ZNF32: variants seen among roughly 807,000 people sequenced by gnomAD.
ZNF32 encodes the protein C2H2-546.
ZNF32 carries 13 observed loss-of-function variants against 24.4 expected under a neutral mutation model. The ratio of observed to expected loss-of-function variants is 0.53; its 90% CI spans 0.35 to 0.85. The LOEUF (loss-of-function observed/expected upper bound fraction) is 0.85. Among genes scored for constraint, ZNF32 ranks in the 40% least tolerant of loss-of-function variants. ZNF32 has a pLI of 0.01. For synonymous variants in ZNF32, 115 were observed against 117.4 expected (o/e 0.98, Z 0.13); for missense variants, 239 against 325.3 (o/e 0.73, Z 2.04).
At position 43,644,773 on chromosome 10, in the gene ZNF32, A is replaced by G. The variant is rs1465983046; in HGVS notation, c.99T>C (p.Tyr33=). The G allele has an allele frequency of 1.7e-5, 28 of 1,607,992 alleles. No individual in the cohort carries two copies. The highest frequency in any genetic ancestry group is 1.7e-4 in the Middle Eastern group (1 of 5,966). The change falls in exon 3 of 3, where the codon TAT becomes TAC. Residue 33 remains tyrosine (Y), a synonymous_variant. Transcript: ENST00000374433. This position sits in a 1 kb window ranked among gnomAD's most constrained non-coding sequence, Gnocchi z 5.3. ...AGGATCCTGTAGCCTCAGAGTGGTC[A>G]TATTTGTGGTGGGCTTCAGTCATCA... ...FNVMTEAHHK[Y]DHSEATGSSS...
chr10:43,644,412 GTC>G lies in ZNF32; in HGVS notation c.458_459del (p.Arg153ThrfsTer22). The G allele has an allele frequency of 6.2e-7, 1 of 1,614,082 alleles. No individual in the cohort carries two copies. The highest frequency in any genetic ancestry group is 8.5e-7 in the Non-Finnish European group (1 of 1,179,962). On this transcript the variant is annotated frameshift_variant, in exon 3 of 3. Coordinates refer to ENST00000374433, the MANE Select transcript of ZNF32 (RefSeq NM_006973.3). LOFTEE classifies it high-confidence loss of function. This position sits in a 1 kb window ranked among gnomAD's most constrained non-coding sequence, Gnocchi z 5.3. The stretch of plus-strand genomic sequence containing the variant: ...TCGTAGGGTTTCTGTCCAGTGTGGA[GTC>G]TCTCGTGGACAGCGAGACTACCTCG... ...SQRGSLAVHE[R>X]LHTGQKPYEC...
At chr10:43,648,185 A>G (rs1301143578) in intron 1 of ZNF32, among the ~76,000 whole-genome samples, 1 of 152,134 alleles carries the variant, frequency 6.6e-6, no homozygotes, top group Non-Finnish European at 1.5e-5. Context: ...AGGTAGGACA[A>G]TGAGAAGGAA....
At chr10:43,646,685 C>T (rs1208857618) in intron 1 of ZNF32, among the ~76,000 whole-genome samples, 1 of 152,198 alleles carries the variant, frequency 6.6e-6, no homozygotes, top group African/African-American at 2.4e-5. Context: ...CTGAACAATT[C>T]TTAGGAGGCT....
chr10:43,645,313 C>G (rs183534360), intron 2 of ZNF32, among the ~76,000 whole-genome samples: 23 of 152,274 alleles, frequency 1.5e-4, no homozygotes, highest in Admixed American at 4.6e-4. Context: ...GTGAGGGGTC[C>G]TAAAACTGAA....
At chr10:43,647,271 G>A (rs192957835) in intron 1 of ZNF32, 6 of 151,824 alleles carry the variant, frequency 4.0e-5, no homozygotes, top group East Asian at 1.9e-4. Context: ...TGTAGAGATC[G>A]GGTCTCATTA....
rs1361807867 is a variant in ZNF32 at position 43,644,187 on chromosome 10, T to G, written c.685A>C (p.Arg229=). ...CTQCRKSFHT[R]GNCILHGKIH... ...TTGCCATGCAGAATACAATTCCCCC[T>G]GGTGTGGAAACTCTTCCTGCACTGG... is the stretch of plus-strand genomic sequence containing the variant. Residue 229 remains arginine (R), a synonymous_variant, in exon 3 of 3, where the codon AGG becomes CGG. Transcript: ENST00000374433. The surrounding 1 kb of genome is among the most constrained non-coding windows in gnomAD (Gnocchi z 5.3). The G allele has an allele frequency of 6.2e-7, 1 of 1,614,108 alleles. No homozygotes were observed. Among genetic ancestry groups the G allele is most frequent in the Non-Finnish European group, 8.5e-7 (1 of 1,180,042 alleles).
chr10:43,643,980 G>GA lies in ZNF32; in HGVS notation c.*69dup. The GA allele has an allele frequency of 6.7e-7, 1 of 1,483,828 alleles. No individual in the cohort carries two copies. Among genetic ancestry groups the GA allele is most frequent in the Non-Finnish European group, 9.0e-7 (1 of 1,109,734 alleles). The allele number at this position is 1,483,828 out of a possible 1,614,324, so 91.9% of individuals were successfully genotyped here. A position where few individuals can be genotyped will look rare whatever the true frequency, so the allele number is the denominator to read the frequency against. ...ATTCTCCATTCATTCCATAGAACTGGATAGGTTGCTTCATCTCAGAGGATT... is the reference window on the plus strand; with the variant it reads ...ATTCTCCATTCATTCCATAGAACTGGAATAGGTTGCTTCATCTCAGAGGATT... On this transcript the variant is annotated 3_prime_UTR_variant, in exon 3 of 3. Coordinates refer to ENST00000374433, the MANE Select transcript of ZNF32 (RefSeq NM_006973.3).
chr10:43,645,999 G>A (rs372743050), intron 2 of ZNF32, 65 bp downstream of exon 2: 14 of 1,604,682 alleles, frequency 8.7e-6, no homozygotes, highest in Non-Finnish European at 1.1e-5. Context: ...GCCGACCAGT[G>A]CTGAGAACAG....
At position 43,643,956 on chromosome 10, in the gene ZNF32, T is replaced by C; in HGVS notation, c.*94A>G. The C allele has an allele frequency of 7.3e-7, 1 of 1,361,292 alleles. No individual in the cohort carries two copies. Among genetic ancestry groups the C allele is most frequent in the Non-Finnish European group, 9.8e-7 (1 of 1,020,808 alleles). The allele number at this position is 1,361,292 out of a possible 1,614,324, so 84.3% of individuals were successfully genotyped here. On this transcript the variant is annotated 3_prime_UTR_variant, in exon 3 of 3. Transcript: ENST00000374433. ...ACCCAATGATGGTCTTTCTGAAAGA[T>C]TCTCCATTCATTCCATAGAACTGGA...
intron 2 of ZNF32, chr10:43,645,823 A>T: frequency 5.7e-6 from 4 of 697,516 alleles, no homozygotes; most frequent in Non-Finnish European, 8.3e-6. Context: ...GCTGAGATTT[A>T]AGCTGCTCAT....
At chr10:43,645,210 G>C (rs765353748) in intron 2 of ZNF32, among the ~76,000 whole-genome samples, 11 of 152,176 alleles carry the variant, frequency 7.2e-5, no homozygotes, top group Non-Finnish European at 1.3e-4. Flanking sequence ...TGTGGATCCA[G>C]GCTATATAAG....
intron 1 of ZNF32, among the ~76,000 whole-genome samples, chr10:43,646,560 G>A (rs1275887141): frequency 6.6e-6 from 1 of 152,180 alleles, no homozygotes; most frequent in East Asian, 1.9e-4. Flanking sequence ...CCAAGCCCCA[G>A]AGGAATTCAG....
intron 1 of ZNF32, chr10:43,648,508 C>T (rs1839399142): frequency 6.6e-6 from 1 of 152,176 alleles, no homozygotes; most frequent in South Asian, 2.1e-4. Context: ...GCCATGGGCC[C>T]TGCTCCTCTC....
intron 2 of ZNF32, among the ~76,000 whole-genome samples, chr10:43,645,390 A>G (rs1238865766): frequency 6.6e-6 from 1 of 152,208 alleles, no homozygotes; most frequent in African/African-American, 2.4e-5. Flanking sequence ...AAGCACCATG[A>G]CCTCAGAAAA....
intron 1 of ZNF32, among the ~76,000 whole-genome samples, chr10:43,646,778 G>A (rs1456450594): frequency 2.0e-5 from 3 of 152,138 alleles, no homozygotes; most frequent in Non-Finnish European, 2.9e-5. Context: ...GTCAATTCTT[G>A]GAAAAGAAAG....
rs766395173 is a variant in ZNF32, at chr10:43,646,032, G to A, written c.70+32C>T. The A allele has an allele frequency of 3.7e-6, 6 of 1,613,354 alleles. No individual in the cohort carries two copies. The Admixed American group carries it at 6.7e-5, about 18-fold the overall frequency. On this transcript the variant is annotated intron_variant, in intron 2 of 2. Coordinates refer to ENST00000374433, the MANE Select transcript of ZNF32 (RefSeq NM_006973.3). ...CAGGGACACTGAATATCTGTGAGCTGAGCGCATCCAGCCATCAACTGACTC... is the reference window on the plus strand; with the variant it reads ...CAGGGACACTGAATATCTGTGAGCTAAGCGCATCCAGCCATCAACTGACTC...
Position 43,644,710 on chromosome 10 carries a change from C to A in ZNF32, c.162G>T (p.Lys54Asn). The A allele has an allele frequency of 6.2e-7, 1 of 1,614,132 alleles. No individual in the cohort carries two copies. The highest frequency in any genetic ancestry group is 8.5e-7 in the Non-Finnish European group (1 of 1,180,020). Residue 54 changes from lysine to asparagine, a missense_variant, in exon 3 of 3, where the codon AAG becomes AAT. Lys to Asn is a moderately conservative substitution (Grantham distance 94, BLOSUM62 0). Transcript: ENST00000374433. This position sits in a 1 kb window ranked among gnomAD's most constrained non-coding sequence, Gnocchi z 5.3. ...WDIQNSFRRE[K>N]LEQKSPDSKT... Reference sequence around the variant, plus strand: ...TCGAATCTGGGGATTTTTGTTCCAGCTTCTCTCTTCTGAAAGAATTTTGGA... The same window carrying A: ...TCGAATCTGGGGATTTTTGTTCCAGATTCTCTCTTCTGAAAGAATTTTGGA...
intron 1 of ZNF32, chr10:43,647,117 A>C (rs1378760323): frequency 6.6e-6 from 1 of 152,108 alleles, no homozygotes; most frequent in African/African-American, 2.4e-5. Context: ...CCCAGGCTGG[A>C]GTACAGTGAC....
In ZNF32 at chr10:43,648,846, A is replaced by G. The variant is rs1026155716; in HGVS notation, c.-114T>C. On this transcript the variant is annotated 5_prime_UTR_variant, in exon 1 of 3. Transcript: ENST00000374433. The stretch of plus-strand genomic sequence containing the variant: ...AGACAAAGGCCGGCGCCGAGCCCGC[A>G]GCAGCGCCAGCGCCGGCGCCGGCGG... The G allele has an allele frequency of 4.6e-5, 7 of 151,770 alleles. No homozygotes were observed. The highest frequency in any genetic ancestry group is 1.7e-4 in the African/African-American group (7 of 41,324). The allele number at this position is 151,770 out of a possible 1,614,324, so 9.4% of individuals were successfully genotyped here. A position where few individuals can be genotyped will look rare whatever the true frequency, so the allele number is the denominator to read the frequency against.
Sources: gnomAD v4.1 joint callset for allele counts (sites outside exome capture counted in the v4.1 genomes callset) on GRCh38, gnomAD v4.1.1 for gene constraint, Gnocchi (gnomAD v3.1) non-coding constraint, MANE v1.5 for transcripts, NCBI Gene and HGNC (gene_info 2026-07-23, HGNC 2026-07-21) for gene names.